The following TOGARAM1 variants were observed in gnomAD, a reference collection of about 807,000 sequenced individuals.
TOGARAM1 encodes TOG array regulator of axonemal microtubules 1, also known as TOG array regulator of axonemal microtubules protein 1.
TOGARAM1 carries 100 observed loss-of-function variants against 166.6 expected under a neutral mutation model. The observed-to-expected ratio is 0.60, with a 90% CI of 0.51 to 0.71. TOGARAM1 has a LOEUF of 0.71. Ranked by LOEUF, TOGARAM1 falls within the 30% of genes least tolerant of loss-of-function variation. The pLI is 0.00. For missense variants in TOGARAM1, 2,029 were observed against 2,102.7 expected (o/e 0.96, Z 0.69); for synonymous variants, 758 against 763.8 (o/e 0.99, Z 0.13).
intron 16 of TOGARAM1, among the ~76,000 whole-genome samples, chr14:45,057,973 A>G (rs1268294745): frequency 1.3e-5 from 2 of 152,202 alleles, no homozygotes; most frequent in African/African-American, 4.8e-5. Flanking sequence ...CTAAAGTTCA[A>G]TTTAAGTTCA....
rs200637569 is a variant in TOGARAM1, at chr14:45,073,287, A to G, written c.5057-9A>G. The G allele has an allele frequency of 1.2e-5, 19 of 1,597,624 alleles. No homozygotes were observed. The highest frequency in any genetic ancestry group is 1.4e-5 in the Non-Finnish European group (16 of 1,173,406). ...AAAAAACCCTGTTTTTTATATTTTT[A>G]TGTTTCAGATATTGTTACGGAACTT... is the stretch of plus-strand genomic sequence containing the variant. On this transcript the variant is annotated splice_polypyrimidine_tract_variant and intron_variant, in intron 19 of 19. Coordinates refer to ENST00000361462, the MANE Select transcript of TOGARAM1 (RefSeq NM_001308120.2).
rs1442971273 is a variant in TOGARAM1 at position 45,066,705 on chromosome 14, A to G, written c.4687A>G (p.Ile1563Val). The G allele has an allele frequency of 6.2e-7, 1 of 1,613,892 alleles. No individual in the cohort carries two copies. Among genetic ancestry groups the G allele is most frequent in the Non-Finnish European group, 8.5e-7 (1 of 1,179,830 alleles). The change falls in exon 17 of 20, where the codon ATT (isoleucine) becomes GTT (valine). Residue 1563 changes from isoleucine (I) to valine (V), a missense_variant. By Grantham distance (29) the Ile-to-Val change is conservative (BLOSUM62 3). Around this residue, in one of 2 missense-constraint regions of TOGARAM1, gnomAD observed 576 missense variants for 670.5 expected, o/e 0.86. Coordinates refer to ENST00000361462, the MANE Select transcript of TOGARAM1 (RefSeq NM_001308120.2). ...AKDFRDRING[I>V]KQLLSDTENN... ...AGACTTTCGTGATCGTATTAATGGG[A>G]TTAAGCAGCTTTTATCAGATACAGA...
intron 18 of TOGARAM1, among the ~76,000 whole-genome samples, chr14:45,070,210 A>G: frequency 6.6e-6 from 1 of 152,050 alleles, no homozygotes; most frequent in East Asian, 1.9e-4. Context: ...ATTATCCGTC[A>G]TGTCCACGTG....
Position 44,964,200 on chromosome 14 carries a change from G to A in TOGARAM1, c.1779G>A (p.Met593Ile), listed in dbSNP as rs767503711. 6.2e-7 allele frequency: 1 copy of A among 1,614,186 alleles called. No individual in the cohort carries two copies. The highest frequency in any genetic ancestry group is 8.5e-7 in the Non-Finnish European group (1 of 1,180,034). Residue 593 changes from methionine (M) to isoleucine (I), a missense_variant, in exon 1 of 20, where the codon ATG becomes ATA. Transcript: ENST00000361462. ...GATTTGTGGAATATGCAGTACTGAT[G>A]CCATCTTCTGCCGGGGGTAGGTCAA... ...EQGFVEYAVL[M>I]PSSAGGRSNH... is the part of the protein sequence containing the mutation.
At chr14:45,024,684 C>T (rs1007942836) in intron 7 of TOGARAM1, among the ~76,000 whole-genome samples, 3 of 152,062 alleles carry the variant, frequency 2.0e-5, no homozygotes, top group Admixed American at 6.5e-5. Context: ...TGGGCTAACC[C>T]GTGTTTCTGT....
chr14:45,051,640 A>G (rs928209114), intron 14 of TOGARAM1, among the ~76,000 whole-genome samples: 1 of 145,458 alleles, frequency 6.9e-6, no homozygotes, highest in East Asian at 2.0e-4. Context: ...GCTCACTGCA[A>G]CCTCCACCTC....
chr14:44,982,394 G>T (rs533098215), intron 1 of TOGARAM1, among the ~76,000 whole-genome samples: 1 of 152,276 alleles, frequency 6.6e-6, no homozygotes, highest in Admixed American at 6.5e-5. Flanking sequence ...TAATGGGTTA[G>T]TGGCATCAAG....
chr14:45,025,741 A>G, intron 7 of TOGARAM1, 42 bp from the exon 8 acceptor site: 1 of 1,118,166 alleles, frequency 8.9e-7, no homozygotes, highest in South Asian at 1.3e-5. Context: ...ATAATAAGCA[A>G]ATATGTTTAA....
At chr14:44,975,243 GC>G (rs1037660351) in intron 1 of TOGARAM1, among the ~76,000 whole-genome samples, 1 of 151,910 alleles carries the variant, frequency 6.6e-6, no homozygotes, top group Non-Finnish European at 1.5e-5. Flanking sequence ...CTCAATGGAT[GC>G]CCCCCCACCA....
chr14:45,060,217 CT>C (rs771278378), intron 16 of TOGARAM1, among the ~76,000 whole-genome samples: 481 of 116,580 alleles, frequency 4.1e-3, no homozygotes, highest in Non-Finnish European at 5.5e-3. Context: ...TGCACCCGGC[CT>C]TTTTTTTTTT....
Position 45,054,549 on chromosome 14 carries a change from G to A in TOGARAM1, c.4559G>A (p.Arg1520Lys), listed in dbSNP as rs1282400710. 1 of 1,588,646 alleles carries A rather than the reference G, an allele frequency of 6.3e-7. No homozygotes were observed. The highest frequency in any genetic ancestry group is 8.6e-7 in the Non-Finnish European group (1 of 1,158,104). Reference protein sequence around the residue: ...VSRDAFNSAERAVTEVREVTR... With the variant: ...VSRDAFNSAEKAVTEVREVTR... Reference sequence around the variant, plus strand: ...AGAGATGCTTTCAATTCAGCTGAAAGGTAAGATGATGTAATAGTCCTCATC... The same window carrying A: ...AGAGATGCTTTCAATTCAGCTGAAAAGTAAGATGATGTAATAGTCCTCATC... The change falls in exon 16 of 20, where the codon AGA (arginine) becomes AAA (lysine). Residue 1520 changes from arginine to lysine, a missense_variant and splice_region_variant. This residue lies in a region of TOGARAM1 where 576 missense variants were observed against 670.5 expected (regional missense o/e 0.86). Coordinates refer to ENST00000361462, the MANE Select transcript of TOGARAM1 (RefSeq NM_001308120.2).
intron 1 of TOGARAM1, among the ~76,000 whole-genome samples, chr14:44,971,919 T>C (rs1885904061): frequency 6.6e-6 from 1 of 152,154 alleles, no homozygotes; most frequent in African/African-American, 2.4e-5. Flanking sequence ...CTTCATTGAC[T>C]CATAGTTCCT....
Position 45,074,400 on chromosome 14 carries a change from A to C in TOGARAM1, c.*839A>C, listed in dbSNP as rs575375095. On this transcript the variant is annotated 3_prime_UTR_variant, in exon 20 of 20. Transcript: ENST00000361462. ...TGTATGCATCTTTAAAAAGAAAAGG[A>C]ATGTTATAAAATAAAAGGATTTATT... 6.7e-4 allele frequency: 102 copies of C among 152,668 alleles called. No individual in the cohort carries two copies. Among genetic ancestry groups the C allele is most frequent in the African/African-American group, 2.2e-3 (90 of 41,538 alleles). 9.5% of individuals were successfully genotyped at this position (152,668 alleles called of 1,614,324 possible).
At chr14:45,019,481 T>C (rs1880363254) in intron 7 of TOGARAM1, among the ~76,000 whole-genome samples, 1 of 152,228 alleles carries the variant, frequency 6.6e-6, no homozygotes, top group South Asian at 2.1e-4. Context: ...TGTTTTCTTT[T>C]TTTTGCAGTT....
intron 1 of TOGARAM1, among the ~76,000 whole-genome samples, chr14:44,976,318 T>A (rs1190300460): frequency 6.6e-6 from 1 of 152,240 alleles, no homozygotes; most frequent in East Asian, 1.9e-4. Flanking sequence ...TGCCCTTCCA[T>A]ATCCATCCTC....
intron 1 of TOGARAM1, among the ~76,000 whole-genome samples, chr14:44,985,045 G>A (rs1483592525): frequency 6.6e-6 from 1 of 150,518 alleles, no homozygotes; most frequent in Non-Finnish European, 1.5e-5. Flanking sequence ...ATGGAGTCTC[G>A]CTCTGTCACC....
At chr14:45,019,777 G>T (rs1025166013) in intron 7 of TOGARAM1, among the ~76,000 whole-genome samples, 4 of 152,198 alleles carry the variant, frequency 2.6e-5, no homozygotes. Context: ...GGGACTCGCT[G>T]TCGGCCTAGG....
intron 7 of TOGARAM1, 140 bp downstream of exon 7, chr14:45,012,215 C>T: frequency 1.9e-6 from 1 of 521,130 alleles, no homozygotes; most frequent in Non-Finnish European, 3.4e-6. Flanking sequence ...CTTAAAAGGT[C>T]CTTTTGACAG....
chr14:44,968,816 G>A (rs922164066), intron 1 of TOGARAM1, among the ~76,000 whole-genome samples: 2 of 152,158 alleles, frequency 1.3e-5, no homozygotes, highest in African/African-American at 4.8e-5. Flanking sequence ...ATTCTGTGGG[G>A]TTTTGACAAA....
Sources: allele counts gnomAD v4.1 joint callset (sites outside exome capture counted in the v4.1 genomes callset), GRCh38; gene constraint gnomAD v4.1.1; regional missense constraint gnomAD v4.1.1; transcripts MANE v1.5; gene names NCBI Gene and HGNC (gene_info 2026-07-23, HGNC 2026-07-21).